The following EEIG1 variants were observed in gnomAD, a reference collection of about 807,000 sequenced individuals.
The protein encoded by EEIG1 is estrogen-induced osteoclastogenesis regulator 1, also known as early estrogen-induced gene 1 protein.
chr9:127,961,993 G>A, the EEIG1 span, among the ~76,000 whole-genome samples: 277 of 152,256 alleles, frequency 1.8e-3, no homozygotes, highest in African/African-American at 5.8e-3. Context: ...ACGTGTATGC[G>A]ACTGGTCACA....
At chr9:127,962,684 T>TA in the EEIG1 span, among the ~76,000 whole-genome samples, 2 of 151,880 alleles carry the variant, frequency 1.3e-5, no homozygotes, top group African/African-American at 2.4e-5. Context: ...GAGGAAAGTG[T>TA]AAAAAAACTA....
At chr9:127,941,004 T>C in the EEIG1 span, 2 of 152,136 alleles carry the variant, frequency 1.3e-5, no homozygotes, top group Non-Finnish European at 2.9e-5. Context: ...ACTCTCCAAC[T>C]CTCTCAATAT....
chr9:127,965,694 G>A, the EEIG1 span, among the ~76,000 whole-genome samples: 1 of 152,230 alleles, frequency 6.6e-6, no homozygotes, highest in African/African-American at 2.4e-5. Context: ...ACCCAGCCCA[G>A]GCCAGAGAGC....
the EEIG1 span, among the ~76,000 whole-genome samples, chr9:127,945,104 G>A: frequency 1.3e-5 from 2 of 152,178 alleles, no homozygotes; most frequent in Non-Finnish European, 2.9e-5. This position sits in a 1 kb window ranked among gnomAD's most constrained non-coding sequence, Gnocchi z 6.5. Flanking sequence ...GCCAGGCAAT[G>A]AGCAGGTAAG....
chr9:127,978,426 G>A, the EEIG1 span, among the ~76,000 whole-genome samples: 1 of 152,168 alleles, frequency 6.6e-6, no homozygotes, highest in Non-Finnish European at 1.5e-5. Flanking sequence ...TGGCTAACAG[G>A]GCCCACAAGG....
the EEIG1 span, among the ~76,000 whole-genome samples, chr9:127,962,614 G>A: frequency 1.3e-5 from 2 of 152,204 alleles, no homozygotes; most frequent in African/African-American, 4.8e-5. Flanking sequence ...TGCTGTGCAT[G>A]CCAGTACCCA....
chr9:127,942,696 T>C, the EEIG1 span: 144,802 of 163,338 alleles, frequency 0.89, 65,040 homozygotes, highest in Non-Finnish European at 0.97. Context: ...ATTCCGGAGG[T>C]GGTCTGGCCC....
the EEIG1 span, chr9:127,980,039 G>A: frequency 6.2e-7 from 1 of 1,613,574 alleles, no homozygotes; most frequent in African/African-American, 1.3e-5. Flanking sequence ...GCCGGACCTT[G>A]CAGAAGAGGA....
the EEIG1 span, chr9:127,945,222 A>C: frequency 1.4e-6 from 1 of 727,476 alleles, no homozygotes; most frequent in Non-Finnish European, 2.2e-6. This position sits in a 1 kb window ranked among gnomAD's most constrained non-coding sequence, Gnocchi z 6.5. Flanking sequence ...TGCACCCTTC[A>C]GGGCCATCAG....
At chr9:127,967,502 C>T in the EEIG1 span, among the ~76,000 whole-genome samples, 2 of 152,240 alleles carry the variant, frequency 1.3e-5, no homozygotes, top group Non-Finnish European at 2.9e-5. Context: ...GCTCCCATGC[C>T]AGGGTTGGAC....
At chr9:127,946,928 G>A in the EEIG1 span, among the ~76,000 whole-genome samples, 1 of 152,114 alleles carries the variant, frequency 6.6e-6, no homozygotes, top group Admixed American at 6.5e-5. Context: ...CAGCCTGGAG[G>A]CAGTCCAAGG....
chr9:127,972,086 G>C, the EEIG1 span, among the ~76,000 whole-genome samples: 1 of 152,020 alleles, frequency 6.6e-6, no homozygotes, highest in Non-Finnish European at 1.5e-5. The surrounding 1 kb of genome is among the most constrained non-coding windows in gnomAD (Gnocchi z 4.3). Context: ...TCTTCTGCCT[G>C]CCAGAGCAGG....
At chr9:127,969,588 G>C in the EEIG1 span, among the ~76,000 whole-genome samples, 1 of 152,156 alleles carries the variant, frequency 6.6e-6, no homozygotes, top group African/African-American at 2.4e-5. Context: ...AGCTCGGGGA[G>C]ATCTAGTTCT....
At chr9:127,980,208 AC>A in the EEIG1 span, 1 of 1,471,896 alleles carries the variant, frequency 6.8e-7, no homozygotes, top group Non-Finnish European at 9.3e-7. Context: ...CTTTCCCTAC[AC>A]CACACCCCCT....
the EEIG1 span, chr9:127,945,569 G>C: frequency 6.4e-7 from 1 of 1,563,734 alleles, no homozygotes; most frequent in East Asian, 2.4e-5. This position sits in a 1 kb window ranked among gnomAD's most constrained non-coding sequence, Gnocchi z 6.5. Flanking sequence ...TAGCCTGTCA[G>C]GGGCGACGCA....
At chr9:127,947,274 A>C in the EEIG1 span, among the ~76,000 whole-genome samples, 1 of 151,686 alleles carries the variant, frequency 6.6e-6, no homozygotes, top group Non-Finnish European at 1.5e-5. Context: ...AAAAAAAAAA[A>C]AAAAAAAAAG....
At chr9:127,952,103 T>C in the EEIG1 span, among the ~76,000 whole-genome samples, 311 of 152,368 alleles carry the variant, frequency 2.0e-3, 1 homozygote, top group African/African-American at 7.0e-3. Flanking sequence ...AGGTGTTTGC[T>C]GGTAATTCCT....
chr9:127,943,375 C>T, the EEIG1 span: 1 of 777,848 alleles, frequency 1.3e-6, no homozygotes, highest in East Asian at 2.6e-5. Flanking sequence ...AAAACCGTGC[C>T]CCAGCGATGG....
the EEIG1 span, among the ~76,000 whole-genome samples, chr9:127,949,236 C>T: frequency 6.7e-6 from 1 of 149,684 alleles, no homozygotes; most frequent in East Asian, 2.0e-4. Context: ...ATGGCATGAA[C>T]CTGGGAGGTG....
Sources: allele counts gnomAD v4.1 joint callset (sites outside exome capture counted in the v4.1 genomes callset), GRCh38; gene constraint gnomAD v4.1.1; non-coding constraint Gnocchi (gnomAD v3.1); transcripts MANE v1.5; gene names NCBI Gene and HGNC (gene_info 2026-07-23, HGNC 2026-07-21).